The following ATP2B1 variants were observed in gnomAD, a reference collection of about 807,000 sequenced individuals.
ATP2B1 encodes plasma membrane calcium-transporting ATPase 1.
Under a neutral mutation model 124.2 loss-of-function variants are expected in ATP2B1, and 14 were observed. That is an observed-to-expected ratio of 0.11 (90% CI 0.07 to 0.18). The LOEUF is 0.18. Among genes scored for constraint, ATP2B1 ranks in the 10% least tolerant of loss-of-function variants. The pLI is 1.00. For synonymous variants in ATP2B1, 449 were observed against 492.4 expected, an observed-to-expected ratio of 0.91 and a Z score of 1.17; for missense variants, 763 against 1,466.1, an observed-to-expected ratio of 0.52 and a Z score of 7.83.
chr12:89,709,222 T>G (rs1892926178), upstream of ATP2B1: 1 of 151,202 alleles, frequency 6.6e-6, no homozygotes, highest in Non-Finnish European at 1.5e-5. Context: ...CGCTCACCCG[T>G]TCCGGTCTGG....
At chr12:89,656,322 CATT>C (rs924608456) in intron 1 of ATP2B1, among the ~76,000 whole-genome samples, 3 of 152,178 alleles carry the variant, frequency 2.0e-5, no homozygotes, top group African/African-American at 4.8e-5. Flanking sequence ...CATTAGATTA[CATT>C]ATTAAATAAA....
At chr12:89,593,530 TG>T (rs1286094854) in intron 20 of ATP2B1, 1 of 152,062 alleles carries the variant, frequency 6.6e-6, no homozygotes, top group African/African-American at 2.4e-5. Flanking sequence ...AAGTGAGCAG[TG>T]AAGAATCGGG....
At chr12:89,653,017 C>A (rs903393145) in intron 2 of ATP2B1, among the ~76,000 whole-genome samples, 1 of 152,188 alleles carries the variant, frequency 6.6e-6, no homozygotes, top group African/African-American at 2.4e-5. Context: ...GTGCGAGCCA[C>A]TGCACTGCTG....
At chr12:89,708,415 G>C (rs1014459891) in intron 1 of ATP2B1, among the ~76,000 whole-genome samples, 181 bp downstream of exon 1, 2 of 152,164 alleles carry the variant, frequency 1.3e-5, no homozygotes, top group Non-Finnish European at 2.9e-5. Context: ...CCCGGCAAGA[G>C]GCAACCTGCG....
At chr12:89,604,464 A>C in intron 15 of ATP2B1, 118 bp from the exon 16 acceptor site, 1 of 682,874 alleles carries the variant, frequency 1.5e-6, no homozygotes, top group Non-Finnish European at 2.3e-6. Flanking sequence ...ATATTACTTA[A>C]ATTTACACTA....
chr12:89,675,793 A>C (rs1888534640), intron 1 of ATP2B1, among the ~76,000 whole-genome samples: 1 of 152,164 alleles, frequency 6.6e-6, no homozygotes, highest in African/African-American at 2.4e-5. Context: ...TTATAATTCC[A>C]GTGATAGGTG....
At chr12:89,686,049 G>A (rs925440831) in intron 1 of ATP2B1, among the ~76,000 whole-genome samples, 4 of 152,040 alleles carry the variant, frequency 2.6e-5, no homozygotes, top group African/African-American at 9.7e-5. Context: ...TGGAGCCCTA[G>A]CAGACTAACA....
intron 18 of ATP2B1, 116 bp downstream of exon 18, chr12:89,602,927 G>A (rs150414837): frequency 2.4e-4 from 205 of 849,384 alleles, no homozygotes; most frequent in Non-Finnish European, 2.3e-4. Flanking sequence ...TATTATATAT[G>A]TCACCAAGGC....
At chr12:89,655,100 T>C (rs375735526) in intron 2 of ATP2B1, among the ~76,000 whole-genome samples, 2 of 152,224 alleles carry the variant, frequency 1.3e-5, no homozygotes, top group African/African-American at 4.8e-5. Flanking sequence ...AACCAAAGGC[T>C]TCTGTGAACA....
At chr12:89,643,180 A>G (rs1883898522) in intron 2 of ATP2B1, among the ~76,000 whole-genome samples, 1 of 147,218 alleles carries the variant, frequency 6.8e-6, no homozygotes, top group African/African-American at 2.6e-5. Flanking sequence ...ATATATGTAT[A>G]TGTATGTATA....
intron 20 of ATP2B1, among the ~76,000 whole-genome samples, chr12:89,595,350 T>C (rs1341853700): frequency 1.3e-5 from 2 of 152,008 alleles, no homozygotes; most frequent in African/African-American, 4.8e-5. Flanking sequence ...TGTATTTATT[T>C]ATTCAGGAAA....
chr12:89,623,400 T>C (rs546584807), intron 9 of ATP2B1, among the ~76,000 whole-genome samples: 2 of 151,676 alleles, frequency 1.3e-5, no homozygotes, highest in African/African-American at 4.8e-5. Flanking sequence ...AGATAGAAAA[T>C]TGATAAAAAT....
chr12:89,620,728 T>C (rs367762424), intron 10 of ATP2B1, among the ~76,000 whole-genome samples: 3 of 152,166 alleles, frequency 2.0e-5, no homozygotes, highest in East Asian at 1.9e-4. Context: ...AATTCCTTCA[T>C]AGTGCCTTCA....
At chr12:89,678,608 G>A (rs781450774) in intron 1 of ATP2B1, among the ~76,000 whole-genome samples, 1 of 152,122 alleles carries the variant, frequency 6.6e-6, no homozygotes, top group Non-Finnish European at 1.5e-5. Flanking sequence ...CAAGACTAAG[G>A]ATATGCCCTC....
Position 89,604,297 on chromosome 12 carries a change from G to A in ATP2B1, c.2492C>T (p.Thr831Ile). The change falls in exon 16 of 21, where the codon ACA (threonine) becomes ATA (isoleucine). Residue 831 changes from threonine (T) to isoleucine (I), a missense_variant. Transcript: ENST00000428670. ...VAKEASDIIL[T>I]DDNFTSIVKA... ...AACAATGCTTGTAAAGTTGTCATCT[G>A]TGAGAATAATATCGGATGCTTCTTT... 1 of 1,613,396 alleles carries A rather than the reference G, an allele frequency of 6.2e-7. No homozygotes were observed. Among genetic ancestry groups the A allele is most frequent in the Non-Finnish European group, 8.5e-7 (1 of 1,179,804 alleles).
chr12:89,646,709 G>C (rs148698038), intron 2 of ATP2B1, among the ~76,000 whole-genome samples: 1 of 152,336 alleles, frequency 6.6e-6, no homozygotes, highest in African/African-American at 2.4e-5. Flanking sequence ...GATTAGAAAA[G>C]AGCTGAACGG....
chr12:89,699,167 T>C (rs1891527197), intron 1 of ATP2B1, among the ~76,000 whole-genome samples: 1 of 152,194 alleles, frequency 6.6e-6, no homozygotes, highest in South Asian at 2.1e-4. Flanking sequence ...TTCTATTACT[T>C]AGAGATCAGC....
chr12:89,596,802 C>T (rs932504604), intron 20 of ATP2B1, among the ~76,000 whole-genome samples: 42 of 152,062 alleles, frequency 2.8e-4, no homozygotes, highest in African/African-American at 1.0e-3. Context: ...TTGGCTCCTT[C>T]TTGTGGGGTA....
chr12:89,601,978 A>T (rs139903940), intron 18 of ATP2B1, among the ~76,000 whole-genome samples: 114 of 152,358 alleles, frequency 7.5e-4, no homozygotes, highest in Non-Finnish European at 1.4e-3. Context: ...GGCAACTTGG[A>T]AAGTTCTATG....
Sources: allele counts gnomAD v4.1 joint callset (sites outside exome capture counted in the v4.1 genomes callset), GRCh38; gene constraint gnomAD v4.1.1; transcripts MANE v1.5; gene names NCBI Gene and HGNC (gene_info 2026-07-23, HGNC 2026-07-21).